Variants in FBXW12 observed in about 807,000 individuals in gnomAD.
FBXW12 encodes F-box and WD repeat domain containing 12.
A neutral mutation model predicts 55.3 loss-of-function variants in FBXW12; 43 were observed. The ratio of observed to expected loss-of-function variants is 0.78; its 90% CI spans 0.61 to 1.00. The LOEUF (loss-of-function observed/expected upper bound fraction) is 1.00. Ranked by LOEUF, FBXW12 falls within the 50% of genes least tolerant of loss-of-function variation. The pLI is 0.00. For synonymous variants in FBXW12, 184 were observed against 203.8 expected (o/e 0.90, Z 0.83); for missense variants, 524 against 560.5 (o/e 0.93, Z 0.66).
chr3:48,373,405 A>G (rs1575357228), intron 3 of FBXW12, 60 bp downstream of exon 3: 1 of 1,613,722 alleles, frequency 6.2e-7, no homozygotes, highest in Non-Finnish European at 8.5e-7. Context: ...CTGCGCACCC[A>G]TGCTGTGTCC....
chr3:48,372,962 G>A (rs2107149697), intron 2 of FBXW12, 105 bp downstream of exon 2: 2 of 1,094,666 alleles, frequency 1.8e-6, no homozygotes, highest in African/African-American at 1.5e-5. Context: ...GGCTTTGGGG[G>A]TTAGCATTCT....
rs1270708362 is a variant in FBXW12 at position 48,378,536 on chromosome 3, C to A, written c.615+10C>A. 1.2e-6 allele frequency: 2 copies of A among 1,612,448 alleles called. No homozygotes were observed. Among genetic ancestry groups the A allele is most frequent in the Middle Eastern group, 1.7e-4 (1 of 5,722 alleles). On this transcript the variant is annotated intron_variant, in intron 6 of 10. Coordinates refer to ENST00000296438, the MANE Select transcript of FBXW12 (RefSeq NM_207102.2). ...TGGCCCATTCCTGATGGTAAGTGAG[C>A]CCTGAATTTAGAGGGGACCAAAAAA...
Position 48,378,268 on chromosome 3 carries a change from T to C in FBXW12, c.406-49T>C, listed in dbSNP as rs762269543. ...AAACATGGGCAGAATGAAAGCACAG[T>C]AGGTGTAAGGGTTCCTTGAACACAG... On this transcript the variant is annotated intron_variant, in intron 5 of 10. Transcript: ENST00000296438. 2 of 1,374,656 alleles carry C rather than the reference T, an allele frequency of 1.5e-6. 1 individual carries two copies. The highest frequency in any genetic ancestry group is 2.1e-6 in the Non-Finnish European group (2 of 963,938). 85.2% of individuals were successfully genotyped at this position (1,374,656 alleles called of 1,614,324 possible).
intron 5 of FBXW12, among the ~76,000 whole-genome samples, chr3:48,376,874 T>C (rs1251887932): frequency 9.6e-6 from 1 of 103,826 alleles, no homozygotes; most frequent in Non-Finnish European, 2.0e-5. Flanking sequence ...GTAGCAGTGA[T>C]TCCTATTTTT....
chr3:48,373,055 C>T (rs528102681), intron 2 of FBXW12, among the ~76,000 whole-genome samples, 198 bp downstream of exon 2: 1 of 152,294 alleles, frequency 6.6e-6, no homozygotes, highest in East Asian at 1.9e-4. Context: ...GTCCTTGAGG[C>T]TCCCATTTCA....
chr3:48,384,955 A>G (rs534147447), intron 10 of FBXW12, among the ~76,000 whole-genome samples: 2 of 152,206 alleles, frequency 1.3e-5, no homozygotes, highest in East Asian at 3.8e-4. Flanking sequence ...CAATCACTTC[A>G]TACACTTACT....
chr3:48,391,957 T>C (rs1160458234), intron 10 of FBXW12, among the ~76,000 whole-genome samples: 3 of 152,212 alleles, frequency 2.0e-5, no homozygotes, highest in African/African-American at 7.2e-5. Context: ...TCCTTTTTCA[T>C]TGCCAGTACC....
In FBXW12 at chr3:48,372,834, C is replaced by T; in HGVS notation, c.67C>T (p.Leu23=). The change falls in exon 2 of 11, where the codon CTG becomes TTG. Residue 23 remains leucine (L), a synonymous_variant. Transcript: ENST00000296438. ...CTCTTTCCTGGACCTGTTCGGCTTG[C>T]TGCAGGTTTCCCAGGTGAACAAGGT... ...IFSFLDLFGL[L]QVSQVNKHWN... 6.2e-7 allele frequency: 1 copy of T among 1,614,188 alleles called. No individual in the cohort carries two copies. The highest frequency in any genetic ancestry group is 8.5e-7 in the Non-Finnish European group (1 of 1,180,006).
In FBXW12 at chr3:48,373,306, A is replaced by T. The variant is rs759559307; in HGVS notation, c.91-2A>T. ...GCTTGTCTCTTCCTTTCTCTCCCAT[A>T]GCATTGGAATAGGATTGCAGACAGT... On this transcript the variant is annotated splice_acceptor_variant, in intron 2 of 10. Transcript: ENST00000296438. LOFTEE classifies it high-confidence loss of function. 6.2e-7 allele frequency: 1 copy of T among 1,614,088 alleles called. No individual in the cohort carries two copies. The highest frequency in any genetic ancestry group is 8.5e-7 in the Non-Finnish European group (1 of 1,180,018).
chr3:48,373,191 G>T (rs1258793931), intron 2 of FBXW12, 117 bp from the exon 3 acceptor site: 2 of 1,489,768 alleles, frequency 1.3e-6, no homozygotes, highest in Non-Finnish European at 1.9e-6. Flanking sequence ...TTGAGAGCTG[G>T]AATCCCATCT....
Position 48,375,430 on chromosome 3 carries a change from T to A in FBXW12, c.363T>A (p.Ser121Arg). ...VDEQEKSIIC[S>R]VSPKQELCAW... Reference sequence around the variant, plus strand: ...AACAGGAGAAATCAATCATTTGTAGTGTATCTCCAAAGCAAGAGCTTTGTG... The same window carrying A: ...AACAGGAGAAATCAATCATTTGTAGAGTATCTCCAAAGCAAGAGCTTTGTG... The change falls in exon 5 of 11, where the codon AGT becomes AGA. Residue 121 changes from serine (S) to arginine (R), a missense_variant. Physicochemically the swap from Ser to Arg is moderately radical, Grantham distance 110 (BLOSUM62 -1). Transcript: ENST00000296438. 1 of 1,612,134 alleles carries A rather than the reference T, an allele frequency of 6.2e-7. No homozygotes were observed. The highest frequency in any genetic ancestry group is 1.3e-5 in the African/African-American group (1 of 74,886).
Position 48,373,362 on chromosome 3 carries a change from G to A in FBXW12, c.128+17G>A, listed in dbSNP as rs1219553084. 4 of 1,614,162 alleles carry A rather than the reference G, an allele frequency of 2.5e-6. No individual in the cohort carries two copies. The highest frequency in any genetic ancestry group is 3.3e-5 in the Admixed American group (2 of 60,032). On this transcript the variant is annotated intron_variant, in intron 3 of 10. Coordinates refer to ENST00000296438, the MANE Select transcript of FBXW12 (RefSeq NM_207102.2). ...CCTGTGGAGGTAAGGGAAGGGAAAG[G>A]GCAAGGAGGGAAGGGGAGAGGAGAT... is the stretch of plus-strand genomic sequence containing the variant.
At position 48,373,578 on chromosome 3, in the gene FBXW12, C is replaced by T. The variant is rs755373460; in HGVS notation, c.159C>T (p.Ser53=). 5.6e-6 allele frequency: 9 copies of T among 1,614,112 alleles called. No homozygotes were observed. In the South Asian group the frequency reaches 9.9e-5, roughly 18 times the overall value. ...RSLSLQRWDC[S]NFTNQHLGTH... ...TATCTCTGCAGAGATGGGACTGCAGCAACTTCACCAATCAACACCTGGGCA... is the reference window on the plus strand; with the variant it reads ...TATCTCTGCAGAGATGGGACTGCAGTAACTTCACCAATCAACACCTGGGCA... Residue 53 remains serine, a synonymous_variant, in exon 4 of 11, where the codon AGC becomes AGT. Transcript: ENST00000296438.
intron 4 of FBXW12, among the ~76,000 whole-genome samples, chr3:48,374,773 T>TTTTC (rs2036658565): frequency 7.0e-6 from 1 of 142,916 alleles, no homozygotes; most frequent in East Asian, 2.0e-4. Context: ...ACTTTTTTTT[T>TTTTC]TTTTTTTTTT....
chr3:48,379,604 G>A, intron 7 of FBXW12, 46 bp downstream of exon 7: 1 of 1,571,306 alleles, frequency 6.4e-7, no homozygotes, highest in South Asian at 1.1e-5. Flanking sequence ...GGAATGTCAA[G>A]TTAGGAAGCA....
At chr3:48,387,439 C>G (rs1472008331) in intron 10 of FBXW12, among the ~76,000 whole-genome samples, 1 of 101,062 alleles carries the variant, frequency 9.9e-6, no homozygotes, top group Non-Finnish European at 2.1e-5. Context: ...CTTTTGGTCT[C>G]TATTTTTTTT....
At chr3:48,373,466 G>A (rs1215301653) in intron 3 of FBXW12, 82 bp from the exon 4 acceptor site, 2 of 1,604,390 alleles carry the variant, frequency 1.2e-6, no homozygotes, top group East Asian at 2.2e-5. Context: ...GTTAGTGTGA[G>A]TAGGGGGTTG....
chr3:48,372,599 C>T lies in FBXW12; in HGVS notation c.-84-85C>T, dbSNP rs775227797. 1,008 of 1,479,840 alleles carry T rather than the reference C, an allele frequency of 6.8e-4. 2 individuals are homozygous for T. The highest frequency in any genetic ancestry group is 6.1e-4 in the Non-Finnish European group (669 of 1,099,776). The allele number at this position is 1,479,840 out of a possible 1,614,324, so 91.7% of individuals were successfully genotyped here. The stretch of plus-strand genomic sequence containing the variant: ...GTGGATCAGGCCCCAGGGGAGAGGC[C>T]GGGGTGGAGGTCAGCCCGGGAGTCT... On this transcript the variant is annotated intron_variant, in intron 1 of 10. Coordinates refer to ENST00000296438, the MANE Select transcript of FBXW12 (RefSeq NM_207102.2).
At chr3:48,379,103 G>T (rs551542772) in intron 6 of FBXW12, among the ~76,000 whole-genome samples, 326 of 152,316 alleles carry the variant, frequency 2.1e-3, no homozygotes, top group Non-Finnish European at 3.4e-3. Flanking sequence ...TCCAGTCCAT[G>T]AACTTGGTTG....
Sources: gnomAD v4.1 joint callset for allele counts (sites outside exome capture counted in the v4.1 genomes callset) on GRCh38, gnomAD v4.1.1 for gene constraint, MANE v1.5 for transcripts, NCBI Gene and HGNC (gene_info 2026-07-23, HGNC 2026-07-21) for gene names.